SLC25A26: variants seen among roughly 807,000 people sequenced by gnomAD.
The protein encoded by SLC25A26 is solute carrier family 25 member 26.
SLC25A26 carries 36 observed loss-of-function variants against 37.8 expected under a neutral mutation model. That is an observed-to-expected ratio of 0.95 (90% CI 0.73 to 1.26). SLC25A26 has a LOEUF of 1.26. Ranked by LOEUF, SLC25A26 falls within the 50% of genes most tolerant of loss-of-function variation. SLC25A26 has a pLI of 0.00. For missense variants in SLC25A26, 390 were observed against 331.1 expected, an observed-to-expected ratio of 1.18 and a Z score of -1.38; for synonymous variants, 129 against 122.5, an observed-to-expected ratio of 1.05 and a Z score of -0.35.
At chr3:66,138,948 A>C (rs993335679) in intron 1 of SLC25A26, among the ~76,000 whole-genome samples, 1 of 152,128 alleles carries the variant, frequency 6.6e-6, no homozygotes, top group Non-Finnish European at 1.5e-5. Flanking sequence ...TCTTTTTTAT[A>C]AGATCCAAGT....
intron 5 of SLC25A26, among the ~76,000 whole-genome samples, chr3:66,295,807 T>TG (rs1417851648): frequency 6.6e-6 from 1 of 151,666 alleles, no homozygotes; most frequent in Non-Finnish European, 1.5e-5. Flanking sequence ...CATGTGTGTG[T>TG]TTTTAAAACT....
intron 6 of SLC25A26, among the ~76,000 whole-genome samples, chr3:66,362,311 C>T (rs913570230): frequency 1.3e-4 from 20 of 151,980 alleles, no homozygotes; most frequent in Admixed American, 1.1e-3. Context: ...CAGGTAAATG[C>T]GTAAATCACG....
At chr3:66,362,967 G>C (rs2107807967) in intron 7 of SLC25A26, 38 bp downstream of exon 7, 9 of 1,381,738 alleles carry the variant, frequency 6.5e-6, no homozygotes, top group Non-Finnish European at 9.0e-6. Flanking sequence ...AGACCAAAGA[G>C]GGGGAAAAAT....
intron 5 of SLC25A26, among the ~76,000 whole-genome samples, chr3:66,304,012 T>C (rs1245134059): frequency 6.6e-6 from 1 of 152,206 alleles, no homozygotes; most frequent in Non-Finnish European, 1.5e-5. Flanking sequence ...CAACATGAAA[T>C]TTTATTTCTT....
At chr3:66,141,892 TTA>T (rs1471083339) in intron 1 of SLC25A26, among the ~76,000 whole-genome samples, 1 of 152,240 alleles carries the variant, frequency 6.6e-6, no homozygotes, top group Non-Finnish European at 1.5e-5. Flanking sequence ...TAAGAATACT[TTA>T]GATTTAGTCA....
At chr3:66,231,132 G>T (rs2072006975) in intron 1 of SLC25A26, among the ~76,000 whole-genome samples, 1 of 152,204 alleles carries the variant, frequency 6.6e-6, no homozygotes, top group South Asian at 2.1e-4. Context: ...CTGAGATTGT[G>T]CCACTGCACT....
chr3:66,292,222 C>T (rs1030448824), intron 5 of SLC25A26, among the ~76,000 whole-genome samples: 3 of 152,128 alleles, frequency 2.0e-5, no homozygotes, highest in Non-Finnish European at 2.9e-5. Flanking sequence ...CTCCTGAATA[C>T]AGCACACTGA....
chr3:66,143,495 C>T (rs2070067811), intron 1 of SLC25A26, among the ~76,000 whole-genome samples: 1 of 152,220 alleles, frequency 6.6e-6, no homozygotes, highest in South Asian at 2.1e-4. Flanking sequence ...TTTTCTGGAA[C>T]TTAATTTCTA....
upstream of SLC25A26, among the ~76,000 whole-genome samples, chr3:66,216,733 T>C (rs2071367251): frequency 6.6e-6 from 1 of 151,190 alleles, no homozygotes; most frequent in East Asian, 1.9e-4. Context: ...AAAACTTGGC[T>C]TACAGTGATA....
chr3:66,238,273 CT>C (rs1311335146), intron 2 of SLC25A26, among the ~76,000 whole-genome samples: 2 of 135,236 alleles, frequency 1.5e-5, no homozygotes, highest in Non-Finnish European at 3.1e-5. Flanking sequence ...TCCCCCAAAA[CT>C]TAACTACTGA....
At chr3:66,363,107 A>T (rs552049661) in intron 7 of SLC25A26, among the ~76,000 whole-genome samples, 178 bp downstream of exon 7, 8 of 152,144 alleles carry the variant, frequency 5.3e-5, no homozygotes, top group African/African-American at 1.9e-4. Context: ...ACTGCTAAAA[A>T]GGTGTCTGCC....
chr3:66,319,897 G>A (rs978743438), intron 5 of SLC25A26, among the ~76,000 whole-genome samples: 1 of 151,736 alleles, frequency 6.6e-6, no homozygotes, highest in South Asian at 2.1e-4. Context: ...GGGATTACAG[G>A]CACACACCAC....
intron 5 of SLC25A26, among the ~76,000 whole-genome samples, chr3:66,277,363 T>A (rs1318904995): frequency 6.6e-6 from 1 of 152,086 alleles, no homozygotes; most frequent in Non-Finnish European, 1.5e-5. Context: ...ACAAATATTG[T>A]ATTATATGTG....
At chr3:66,299,036 G>T (rs1387259961) in intron 5 of SLC25A26, among the ~76,000 whole-genome samples, 1 of 152,086 alleles carries the variant, frequency 6.6e-6, no homozygotes, top group African/African-American at 2.4e-5. Context: ...GTTGAAAAGG[G>T]ACCCTTGGTT....
At chr3:66,200,768 G>A (rs939944274) in intron 1 of SLC25A26, among the ~76,000 whole-genome samples, 14,361 of 152,212 alleles carry the variant, frequency 0.094, 756 homozygotes, top group Middle Eastern at 0.15. Context: ...TTATAAAATA[G>A]AAATCAAAAT....
intron 1 of SLC25A26, among the ~76,000 whole-genome samples, chr3:66,198,959 T>G (rs974827227): frequency 3.7e-4 from 57 of 152,010 alleles, no homozygotes; most frequent in African/African-American, 1.3e-3. Flanking sequence ...GACTTGGCAC[T>G]GACCCTCCAT....
At chr3:66,249,663 C>T (rs1356166819) in intron 3 of SLC25A26, among the ~76,000 whole-genome samples, 5 of 152,158 alleles carry the variant, frequency 3.3e-5, no homozygotes, top group African/African-American at 9.7e-5. Context: ...AAATATTCAT[C>T]GATCAATACA....
At chr3:66,137,384 G>C (rs1475666607) in intron 1 of SLC25A26, among the ~76,000 whole-genome samples, 2 of 151,906 alleles carry the variant, frequency 1.3e-5, no homozygotes, top group African/African-American at 4.8e-5. Flanking sequence ...CTGCCACCAG[G>C]CCTGGGTAAT....
chr3:66,200,313 A>G (rs879096651), intron 1 of SLC25A26, among the ~76,000 whole-genome samples: 55,555 of 152,018 alleles, frequency 0.37, 10,760 homozygotes, highest in East Asian at 0.6. Flanking sequence ...CGTCTTTACT[A>G]CCTTTTCCCT....
Sources: gnomAD v4.1 joint callset for allele counts (sites outside exome capture counted in the v4.1 genomes callset) on GRCh38, gnomAD v4.1.1 for gene constraint, MANE v1.5 for transcripts, NCBI Gene and HGNC (gene_info 2026-07-23, HGNC 2026-07-21) for gene names.